Variants in PCDH9 observed in about 807,000 individuals in gnomAD.
PCDH9 encodes protocadherin 9.
Under a neutral mutation model 70.6 loss-of-function variants are expected in PCDH9, and 24 were observed. That is an observed-to-expected ratio of 0.34 (90% confidence interval 0.25 to 0.48). The LOEUF is 0.48. PCDH9 is among the 20% of genes least tolerant of loss of function. The pLI is 0.99. For synonymous variants in PCDH9, 562 were observed against 558.5 expected (o/e 1.01, Z -0.09); for missense variants, 1,281 against 1,503.6 (o/e 0.85, Z 2.45).
At chr13:66,748,167 T>G (rs551942535) in intron 3 of PCDH9, among the ~76,000 whole-genome samples, 1 of 152,336 alleles carries the variant, frequency 6.6e-6, no homozygotes, top group South Asian at 2.1e-4. Context: ...CTGCTTTTAC[T>G]TTGGCAAGAC....
chr13:66,570,954 T>G (rs1460727060), intron 4 of PCDH9, among the ~76,000 whole-genome samples: 1 of 151,578 alleles, frequency 6.6e-6, no homozygotes, highest in East Asian at 1.9e-4. Flanking sequence ...AGGAGGGAGG[T>G]GAAATAGAAC....
intron 3 of PCDH9, among the ~76,000 whole-genome samples, chr13:66,856,532 C>T (rs1014982060): frequency 4.6e-5 from 7 of 151,898 alleles, no homozygotes; most frequent in Non-Finnish European, 8.8e-5. Flanking sequence ...TAATTTTCTC[C>T]CAGTGTTTTT....
At chr13:67,202,418 GA>G (rs1317380315) in intron 2 of PCDH9, 1 of 151,896 alleles carries the variant, frequency 6.6e-6, no homozygotes, top group Middle Eastern at 3.2e-3. Context: ...TTTTTTAATA[GA>G]ATATTAGAAT....
At chr13:66,811,099 A>C (rs2080497277) in intron 3 of PCDH9, among the ~76,000 whole-genome samples, 1 of 152,196 alleles carries the variant, frequency 6.6e-6, no homozygotes, top group Admixed American at 6.5e-5. Context: ...ATGCCTATTA[A>C]AAATTTTTCC....
At chr13:66,805,750 CTTA>C (rs2080399865) in intron 3 of PCDH9, among the ~76,000 whole-genome samples, 1 of 152,134 alleles carries the variant, frequency 6.6e-6, no homozygotes, top group Non-Finnish European at 1.5e-5. Flanking sequence ...CTATTTCTTT[CTTA>C]TTTATTTTGC....
intron 4 of PCDH9, among the ~76,000 whole-genome samples, chr13:66,483,421 A>G (rs1958877353): frequency 6.6e-6 from 1 of 152,210 alleles, no homozygotes; most frequent in Admixed American, 6.5e-5. Flanking sequence ...CACCAATACA[A>G]CAATGTCCTG....
rs1191050465 is a variant in PCDH9, at chr13:66,386,370, C to T, written c.3341-81342G>A. On this transcript the variant is annotated intron_variant, in intron 4 of 4. Coordinates refer to ENST00000377865, the MANE Select transcript of PCDH9 (RefSeq NM_203487.3). The stretch of plus-strand genomic sequence containing the variant: ...ACTCCTTCTTTTGTATTCTACTACA[C>T]TCCACCCTATAGAGTCCCCTGACTA... Among the ~76,000 whole-genome samples the T allele has an allele frequency of 3.3e-5, 5 of 152,130 alleles. No individual in the cohort carries two copies. In the East Asian group the frequency reaches 9.6e-4, roughly 29 times the overall value.
rs189084424 is a variant in PCDH9 at position 66,323,981 on chromosome 13, G to C, written c.3341-18953C>G. Among the ~76,000 whole-genome samples, 315 of 152,150 alleles carry C rather than the reference G, an allele frequency of 2.1e-3. 7 individuals carry two copies. Among genetic ancestry groups the C allele is most frequent in the African/African-American group, 7.2e-3 (300 of 41,470 alleles). The stretch of plus-strand genomic sequence containing the variant: ...TCTTGGCTCAGCAAATACAATTGAA[G>C]TTGCATCACTAAAATGTACATTGCC... On this transcript the variant is annotated intron_variant, in intron 4 of 4. Transcript: ENST00000377865.
intron 4 of PCDH9, among the ~76,000 whole-genome samples, chr13:66,578,096 T>C (rs2076840265): frequency 6.6e-6 from 1 of 152,066 alleles, no homozygotes; most frequent in East Asian, 1.9e-4. Flanking sequence ...CCCTAATGTA[T>C]TCAATATGCT....
chr13:66,641,319 T>A (rs1336832973), intron 3 of PCDH9, among the ~76,000 whole-genome samples: 1 of 152,210 alleles, frequency 6.6e-6, no homozygotes, highest in Non-Finnish European at 1.5e-5. Context: ...ATATAACTAT[T>A]AATTAGCATA....
At chr13:66,604,114 C>T (rs1004086554) in intron 4 of PCDH9, among the ~76,000 whole-genome samples, 9 of 152,050 alleles carry the variant, frequency 5.9e-5, no homozygotes, top group African/African-American at 1.9e-4. Context: ...GTCCTCACCA[C>T]GGCCCCATTC....
At chr13:66,730,495 T>C (rs189671044) in intron 3 of PCDH9, among the ~76,000 whole-genome samples, 5 of 152,088 alleles carry the variant, frequency 3.3e-5, no homozygotes, top group African/African-American at 7.2e-5. Context: ...TGTTTTGATC[T>C]GTATTCCTTT....
At chr13:66,996,209 A>T (rs909025613) in intron 2 of PCDH9, 2 of 152,218 alleles carry the variant, frequency 1.3e-5, no homozygotes, top group Admixed American at 1.3e-4. Context: ...ATTGAATGTT[A>T]CTATTTTTCC....
At chr13:66,748,422 T>C (rs1362721278) in intron 3 of PCDH9, among the ~76,000 whole-genome samples, 2 of 152,228 alleles carry the variant, frequency 1.3e-5, no homozygotes, top group African/African-American at 4.8e-5. Flanking sequence ...GGTTTAGGAA[T>C]TTTTCCTACT....
chr13:66,863,058 T>C (rs2081510037), intron 3 of PCDH9, among the ~76,000 whole-genome samples: 1 of 152,202 alleles, frequency 6.6e-6, no homozygotes, highest in Admixed American at 6.5e-5. Flanking sequence ...ACATTCTATT[T>C]CTTTAAAAAT....
At chr13:67,030,520 C>G (rs976536348) in intron 2 of PCDH9, among the ~76,000 whole-genome samples, 2 of 151,938 alleles carry the variant, frequency 1.3e-5, no homozygotes, top group Admixed American at 1.3e-4. Context: ...CCTTTCCCAG[C>G]CCCTGTTAGC....
chr13:66,535,065 T>C (rs1467119873), intron 4 of PCDH9, among the ~76,000 whole-genome samples: 1 of 152,038 alleles, frequency 6.6e-6, no homozygotes, highest in Non-Finnish European at 1.5e-5. Context: ...ATTGTTCATG[T>C]ATAAGTGGCG....
rs57997772 is a variant in PCDH9 at position 66,939,424 on chromosome 13, ATGTG to A, written c.3037-35823_3037-35820del. Among the ~76,000 whole-genome samples the A allele has an allele frequency of 1.3e-3, 196 of 148,100 alleles. 1 individual carries two copies. Among genetic ancestry groups the A allele is most frequent in the Middle Eastern group, 0.01 (3 of 286 alleles). Reference sequence around the variant, plus strand: ...GAAAGGTGAGGTCACTTTAAAATATATGTGTGTGTGTGTGTGTGTGTGTGTGTGT... The same window carrying A: ...GAAAGGTGAGGTCACTTTAAAATATATGTGTGTGTGTGTGTGTGTGTGTGT... On this transcript the variant is annotated intron_variant, in intron 2 of 4. Transcript: ENST00000377865.
intron 4 of PCDH9, among the ~76,000 whole-genome samples, chr13:66,609,464 C>T (rs1480700101): frequency 6.6e-6 from 1 of 152,020 alleles, no homozygotes; most frequent in African/African-American, 2.4e-5. Flanking sequence ...ACTACTGTAA[C>T]TTAAATTAGT....
Sources: gnomAD v4.1 joint callset for allele counts (sites outside exome capture counted in the v4.1 genomes callset) on GRCh38, gnomAD v4.1.1 for gene constraint, MANE v1.5 for transcripts, NCBI Gene and HGNC (gene_info 2026-07-23, HGNC 2026-07-21) for gene names.